CCDC157: variants seen among roughly 807,000 people sequenced by gnomAD.
CCDC157 encodes coiled-coil domain containing 157.
In CCDC157, 60 loss-of-function variants were observed where a neutral mutation model predicts 70.9. That is an observed-to-expected ratio of 0.85 (90% CI 0.69 to 1.05). The LOEUF (loss-of-function observed/expected upper bound fraction) is 1.05. Ranked by LOEUF, CCDC157 falls within the 50% of genes least tolerant of loss-of-function variation. The pLI is 0.00. For missense variants in CCDC157, 943 were observed against 984.2 expected, an observed-to-expected ratio of 0.96 and a Z score of 0.56; for synonymous variants, 373 against 422.4, an observed-to-expected ratio of 0.88 and a Z score of 1.43.
intron 1 of CCDC157, among the ~76,000 whole-genome samples, chr22:30,359,997 T>G (rs1306996456): frequency 2.0e-5 from 3 of 152,036 alleles, no homozygotes; most frequent in Non-Finnish European, 4.4e-5. Flanking sequence ...ACAAAAAAAT[T>G]AGCCAGGTGC....
intron 9 of CCDC157, chr22:30,374,377 C>T: frequency 1.7e-6 from 1 of 605,526 alleles, no homozygotes; most frequent in Non-Finnish European, 3.1e-6. Flanking sequence ...AGCCTGTGCT[C>T]TTCACTACGT....
chr22:30,360,913 G>A (rs1932292980), intron 1 of CCDC157, among the ~76,000 whole-genome samples: 1 of 152,104 alleles, frequency 6.6e-6, no homozygotes, highest in African/African-American at 2.4e-5. Flanking sequence ...TGGGCATGGT[G>A]GCACGTGCCT....
intron 3 of CCDC157, chr22:30,369,010 T>C (rs1932823736): frequency 6.5e-6 from 1 of 153,924 alleles, no homozygotes; most frequent in African/African-American, 2.4e-5. Context: ...CCTATCAATG[T>C]GTGTCTGTGG....
intron 1 of CCDC157, among the ~76,000 whole-genome samples, chr22:30,358,595 G>A (rs777740302): frequency 1.3e-5 from 2 of 152,240 alleles, no homozygotes; most frequent in African/African-American, 2.4e-5. Flanking sequence ...CTGGGAAGTA[G>A]GCATCATCTT....
At chr22:30,360,412 G>A (rs939826475) in intron 1 of CCDC157, among the ~76,000 whole-genome samples, 1 of 152,050 alleles carries the variant, frequency 6.6e-6, no homozygotes, top group African/African-American at 2.4e-5. Flanking sequence ...GGCTGAGGCA[G>A]GAGAATGGCG....
chr22:30,373,482 C>T (rs1049614081), intron 7 of CCDC157, 115 bp from the exon 8 acceptor site: 10 of 1,149,176 alleles, frequency 8.7e-6, no homozygotes, highest in Non-Finnish European at 1.1e-5. Context: ...CACAGACACA[C>T]ACCCCAGGGG....
chr22:30,360,977 G>T (rs371778087), intron 1 of CCDC157, among the ~76,000 whole-genome samples: 2 of 152,172 alleles, frequency 1.3e-5, no homozygotes, highest in East Asian at 1.9e-4. Context: ...AACCCAGGAA[G>T]TGGAGGTTGT....
In CCDC157 at chr22:30,366,131, A is replaced by G. The variant is rs1228340330; in HGVS notation, c.131A>G (p.Asp44Gly). 6.2e-7 allele frequency: 1 copy of G among 1,613,584 alleles called. No homozygotes were observed. Among genetic ancestry groups the G allele is most frequent in the Non-Finnish European group, 8.5e-7 (1 of 1,179,974 alleles). The change falls in exon 3 of 12, where the codon GAC becomes GGC. Residue 44 changes from aspartate (D) to glycine (G), a missense_variant. Physicochemically the swap from Asp to Gly is moderately conservative, Grantham distance 94. Coordinates refer to ENST00000338306, the MANE Select transcript of CCDC157 (RefSeq NM_001017437.5). ...PVRFPSWKFP[D>G]RMACDLDMVA... ...CGCTTCCCCTCCTGGAAGTTCCCTG[A>G]CCGCATGGCCTGTGACCTCGACATG...
intron 6 of CCDC157, 90 bp downstream of exon 6, chr22:30,371,817 C>T: frequency 8.2e-7 from 1 of 1,218,264 alleles, no homozygotes; most frequent in Non-Finnish European, 1.2e-6. Flanking sequence ...CCTGAGCATC[C>T]AGGGCAAAGT....
intron 2 of CCDC157, among the ~76,000 whole-genome samples, chr22:30,362,453 T>G (rs947970211): frequency 6.6e-6 from 1 of 150,948 alleles, no homozygotes; most frequent in Non-Finnish European, 1.5e-5. Flanking sequence ...CTAGAAGAAG[T>G]GTGGGGAAGG....
upstream of CCDC157, chr22:30,356,723 G>C: frequency 6.7e-7 from 1 of 1,489,984 alleles, no homozygotes; most frequent in African/African-American, 1.4e-5. Context: ...GGGCGGGGGA[G>C]AGGTACCTGT....
In CCDC157 at chr22:30,378,430, A is replaced by C. The variant is rs149254745; in HGVS notation, c.*1685A>C. The C allele has an allele frequency of 0.017, 3,296 of 195,488 alleles. 71 individuals carry two copies. The highest frequency in any genetic ancestry group is 0.045 in the Admixed American group (830 of 18,522). The allele number at this position is 195,488 out of a possible 1,614,324, so 12.1% of individuals were successfully genotyped here. A position where few individuals can be genotyped will look rare whatever the true frequency, so the allele number is the denominator to read the frequency against. On this transcript the variant is annotated 3_prime_UTR_variant, in exon 12 of 12. Coordinates refer to ENST00000338306, the MANE Select transcript of CCDC157 (RefSeq NM_001017437.5). ...GATCACCTGAGATCGGGAGTTCGAG[A>C]CCAGCCTGACCAACATGGAGAAACC...
chr22:30,358,110 G>A (rs979898756), intron 1 of CCDC157, among the ~76,000 whole-genome samples: 1 of 152,106 alleles, frequency 6.6e-6, no homozygotes, highest in Non-Finnish European at 1.5e-5. Context: ...CTCAACTCTG[G>A]AAAGCGGGGA....
chr22:30,376,616 G>A lies in CCDC157; in HGVS notation c.2130G>A (p.Leu710=), dbSNP rs1933385800. ...QPCSQPSKSL[L]EGVTHLDTCT... is the part of the protein sequence containing the mutation. Reference sequence around the variant, plus strand: ...GCAGCCAGCCCAGCAAGTCCTTGCTGGAGGGTGTGACCCACTTGGACACCT... The same window carrying A: ...GCAGCCAGCCCAGCAAGTCCTTGCTAGAGGGTGTGACCCACTTGGACACCT... The change falls in exon 12 of 12, where the codon CTG becomes CTA. Residue 710 remains leucine, a synonymous_variant. Coordinates refer to ENST00000338306, the MANE Select transcript of CCDC157 (RefSeq NM_001017437.5). 2 of 1,613,632 alleles carry A rather than the reference G, an allele frequency of 1.2e-6. No individual in the cohort carries two copies. Among genetic ancestry groups the A allele is most frequent in the East Asian group, 4.5e-5 (2 of 44,844 alleles).
chr22:30,369,967 G>C, intron 4 of CCDC157: 1 of 466,802 alleles, frequency 2.1e-6, no homozygotes, highest in Non-Finnish European at 3.9e-6. Context: ...CCCATGATGG[G>C]AAGGAAACTA....
At chr22:30,373,513 AG>A in intron 7 of CCDC157, 83 bp from the exon 8 acceptor site, 2 of 1,441,234 alleles carry the variant, frequency 1.4e-6, no homozygotes, top group African/African-American at 2.8e-5. Context: ...GAGGGGTAGT[AG>A]ATGCTGTAGC....
At chr22:30,371,865 C>A in intron 6 of CCDC157, 138 bp downstream of exon 6, 1 of 844,930 alleles carries the variant, frequency 1.2e-6, no homozygotes, top group Non-Finnish European at 1.9e-6. Flanking sequence ...GCCTGACCAA[C>A]CACACTATTG....
chr22:30,369,896 CCT>C (rs1187404833), intron 4 of CCDC157: 26 of 459,334 alleles, frequency 5.7e-5, no homozygotes, highest in South Asian at 3.5e-4. Flanking sequence ...TCATGTGACC[CCT>C]GTTTGTTATG....
At chr22:30,374,903 CGG>C (rs35859610) in intron 9 of CCDC157, 13 of 352,492 alleles carry the variant, frequency 3.7e-5, no homozygotes, top group African/African-American at 6.5e-5. Flanking sequence ...CTGTCCAAAA[CGG>C]GGGGGCCTTG....
Sources: gnomAD v4.1 joint callset for allele counts (sites outside exome capture counted in the v4.1 genomes callset) on GRCh38, gnomAD v4.1.1 for gene constraint, MANE v1.5 for transcripts, NCBI Gene and HGNC (gene_info 2026-07-23, HGNC 2026-07-21) for gene names.